Variants in ELP1 observed in about 807,000 individuals in gnomAD.
The protein encoded by ELP1 is elongator complex protein 1.
ELP1 carries 131 observed loss-of-function variants against 183.2 expected under a neutral mutation model. The ratio of observed to expected loss-of-function variants is 0.72; its 90% confidence interval spans 0.62 to 0.83. ELP1 has a LOEUF of 0.83. Among genes scored for constraint, ELP1 ranks in the 40% least tolerant of loss-of-function variants. The pLI, the probability that ELP1 is intolerant of heterozygous loss-of-function variation, is 0.00. For missense variants in ELP1, 1,550 were observed against 1,594.9 expected (o/e 0.97, Z 0.48); for synonymous variants, 555 against 569.0 (o/e 0.98, Z 0.35).
At chr9:108,933,327 T>C (rs3763643) in intron 1 of ELP1, among the ~76,000 whole-genome samples, 33,275 of 152,214 alleles carry the variant, frequency 0.22, 4,483 homozygotes, top group East Asian at 0.3. Flanking sequence ...ACAGTTGAAT[T>C]CTTTACGATC....
intron 36 of ELP1, among the ~76,000 whole-genome samples, chr9:108,870,369 A>G (rs1827403283): frequency 6.6e-6 from 1 of 152,244 alleles, no homozygotes; most frequent in Non-Finnish European, 1.5e-5. Context: ...TTTGTATGTT[A>G]TATGTATTAT....
Position 108,906,391 on chromosome 9 carries a change from G to A in ELP1, c.1555C>T (p.His519Tyr), listed in dbSNP as rs776729454. 8.1e-6 allele frequency: 13 copies of A among 1,613,972 alleles called. No individual in the cohort carries two copies. In the East Asian group the frequency reaches 1.3e-4, roughly 17 times the overall value. The change falls in exon 14 of 37, where the codon CAC (histidine) becomes TAC (tyrosine). Residue 519 changes from histidine to tyrosine, a missense_variant. By Grantham distance (83) the His-to-Tyr change is moderately conservative (BLOSUM62 2). Transcript: ENST00000374647. ...IEEDVFLAVS[H>Y]SEFSPRSVIH... ...ACAGACCGGGGGCTGAACTCACTGT[G>A]GCTTACAGCCAGGAAGACGTCTTCT...
chr9:108,916,197 G>A lies in ELP1; in HGVS notation c.958+7C>T, dbSNP rs771601576. On this transcript the variant is annotated splice_region_variant and intron_variant, in intron 10 of 36. Transcript: ENST00000374647. ...GGCAGAAGGCTGGGGTACTACAGCT[G>A]TCTTACCACAGGTTTTCGGAATGGA... The A allele has an allele frequency of 1.7e-5, 27 of 1,609,674 alleles. No individual in the cohort carries two copies. Among genetic ancestry groups the A allele is most frequent in the South Asian group, 1.3e-4 (12 of 91,004 alleles).
intron 6 of ELP1, among the ~76,000 whole-genome samples, chr9:108,920,374 C>A (rs1346897833): frequency 6.6e-6 from 1 of 151,842 alleles, no homozygotes; most frequent in East Asian, 1.9e-4. Flanking sequence ...CTCTGCCTCC[C>A]AGGTACAAGT....
chr9:108,869,024 A>T lies in ELP1; in HGVS notation c.*91T>A. Reference sequence around the variant, plus strand: ...TATCATTTTACTCTTTCCAGTTCTCAATAGCCAGCCCTCAAAGAGCAAGGG... The same window carrying T: ...TATCATTTTACTCTTTCCAGTTCTCTATAGCCAGCCCTCAAAGAGCAAGGG... On this transcript the variant is annotated 3_prime_UTR_variant, in exon 37 of 37. Coordinates refer to ENST00000374647, the MANE Select transcript of ELP1 (RefSeq NM_003640.5). 9.1e-7 allele frequency: 1 copy of T among 1,095,096 alleles called. No individual in the cohort carries two copies. Among genetic ancestry groups the T allele is most frequent in the South Asian group, 1.2e-5 (1 of 80,768 alleles). 67.8% of individuals were successfully genotyped at this position (1,095,096 alleles called of 1,614,324 possible).
Position 108,903,573 on chromosome 9 carries a change from C to T in ELP1, c.1740G>A (p.Lys580=). Residue 580 remains lysine (K), a synonymous_variant, in exon 15 of 37, where the codon AAG becomes AAA. Transcript: ENST00000374647. ...VLQLADGQIF[K]YLWESPSLAI... ...CACCTTGATACTCACCCCAAAGGTA[C>T]TTAAATATCTGGCCATCAGCCAGCT... 10 of 1,610,518 alleles carry T rather than the reference C, an allele frequency of 6.2e-6. No homozygotes were observed. Among genetic ancestry groups the T allele is most frequent in the Non-Finnish European group, 8.5e-6 (10 of 1,176,884 alleles).
At position 108,900,260 on chromosome 9, in the gene ELP1, C is replaced by A; in HGVS notation, c.2130G>T (p.Gln710His). The stretch of plus-strand genomic sequence containing the variant: ...TATCTTGTCTGAAAAACCAGCTTAC[C>A]TGTAATACAAGCTTTGTGTCCTGGG... The part of the protein sequence containing the change: ...VVPQDTKLVL[Q>H]MPRGNLEVVH... The change falls in exon 19 of 37, where the codon CAG becomes CAT. Residue 710 changes from glutamine (Q) to histidine (H), a missense_variant and splice_region_variant. Coordinates refer to ENST00000374647, the MANE Select transcript of ELP1 (RefSeq NM_003640.5). The A allele has an allele frequency of 6.2e-7, 1 of 1,607,736 alleles. No individual in the cohort carries two copies. Among genetic ancestry groups the A allele is most frequent in the Non-Finnish European group, 8.5e-7 (1 of 1,174,110 alleles).
Position 108,931,109 on chromosome 9 carries a change from C to T in ELP1, c.38G>A (p.Arg13Lys). The change falls in exon 2 of 37, where the codon AGG (arginine) becomes AAG (lysine). Residue 13 changes from arginine to lysine, a missense_variant. Coordinates refer to ENST00000374647, the MANE Select transcript of ELP1 (RefSeq NM_003640.5). ...NLKLFRTLEF[R>K]DIQGPGNPQC... ...AGGATTCCCTGGACCTTGAATATCC[C>T]TGAACTCCAGGGTCCGAAATAATTT... The T allele has an allele frequency of 1.2e-6, 2 of 1,614,134 alleles. No homozygotes were observed.
chr9:108,924,426 C>T (rs1351812102), intron 5 of ELP1, among the ~76,000 whole-genome samples: 1 of 151,586 alleles, frequency 6.6e-6, no homozygotes, highest in Non-Finnish European at 1.5e-5. Context: ...ATTTCTGAGA[C>T]CTAAGATCTT....
intron 14 of ELP1, among the ~76,000 whole-genome samples, chr9:108,905,768 C>A (rs1458034450): frequency 2.0e-5 from 3 of 151,972 alleles, no homozygotes; most frequent in Admixed American, 2.0e-4. Context: ...CTATTGCTAC[C>A]AGGCTACAAA....
In ELP1 at chr9:108,901,439, T is replaced by C; in HGVS notation, c.2000A>G (p.Asp667Gly). Residue 667 changes from aspartate to glycine, a missense_variant, in exon 18 of 37, where the codon GAT becomes GGT. Asp to Gly is a moderately conservative substitution (Grantham distance 94). Coordinates refer to ENST00000374647, the MANE Select transcript of ELP1 (RefSeq NM_003640.5). ...SHTCQCFCLR[D>G]ASFKTLQAGL... The stretch of plus-strand genomic sequence containing the variant: ...TGAAAACTTACTTTTAAATGAAGCA[T>C]CCCTCAGGCAAAAACACTGGCAGGT... The C allele has an allele frequency of 6.2e-7, 1 of 1,611,228 alleles. No homozygotes were observed. Among genetic ancestry groups the C allele is most frequent in the South Asian group, 1.1e-5 (1 of 91,026 alleles).
rs374063549 is a variant in ELP1, at chr9:108,927,460, C to T, written c.304-7G>A. On this transcript the variant is annotated splice_region_variant and splice_polypyrimidine_tract_variant and intron_variant, in intron 3 of 36. Coordinates refer to ENST00000374647, the MANE Select transcript of ELP1 (RefSeq NM_003640.5). ...CACTCCCAACACACTCCAGCTGAGA[C>T]AGAGAAAATTGAAAAGAGAGATTCA... The T allele has an allele frequency of 1.8e-5, 29 of 1,610,776 alleles. No homozygotes were observed. The African/African-American group carries it at 3.9e-4, about 21-fold the overall frequency.
At chr9:108,922,782 G>T in intron 6 of ELP1, 60 bp downstream of exon 6, 2 of 1,276,322 alleles carry the variant, frequency 1.6e-6, no homozygotes, top group Non-Finnish European at 1.1e-6. Flanking sequence ...AGAGTTCCTG[G>T]TGGGTGGCAA....
chr9:108,895,375 C>T (rs577178814), intron 25 of ELP1, among the ~76,000 whole-genome samples: 4 of 152,284 alleles, frequency 2.6e-5, no homozygotes, highest in African/African-American at 9.6e-5. Flanking sequence ...AAGAGGCCAC[C>T]TTGGCATCCT....
chr9:108,912,423 T>A lies in ELP1; in HGVS notation c.1030A>T (p.Ser344Cys). 6.2e-7 allele frequency: 1 copy of A among 1,614,104 alleles called. No homozygotes were observed. The highest frequency in any genetic ancestry group is 8.5e-7 in the Non-Finnish European group (1 of 1,180,008). Residue 344 changes from serine to cysteine, a missense_variant, in exon 11 of 37, where the codon AGC becomes TGC. By Grantham distance (112) the Ser-to-Cys change is moderately radical (BLOSUM62 -1). Coordinates refer to ENST00000374647, the MANE Select transcript of ELP1 (RefSeq NM_003640.5). ...TCCCACATCAGAGACACAATCTTGC[T>A]CTTCCCACAGGTGCTGAAGGATAAA... ...QSLSFSTCGK[S>C]KIVSLMWDPV...
At chr9:108,914,054 G>T (rs1295211736) in intron 10 of ELP1, among the ~76,000 whole-genome samples, 1 of 152,060 alleles carries the variant, frequency 6.6e-6, no homozygotes, top group Admixed American at 6.6e-5. Flanking sequence ...TGTGGCCAGG[G>T]TTAAGAACTA....
chr9:108,880,198 T>C (rs780600094), intron 31 of ELP1, 33 bp from the exon 32 acceptor site: 2 of 1,434,934 alleles, frequency 1.4e-6, no homozygotes, highest in Non-Finnish European at 2.0e-6. Flanking sequence ...AGTTTGAGCA[T>C]GAGGTTTAAG....
At chr9:108,897,712 G>A (rs1000503824) in intron 22 of ELP1, among the ~76,000 whole-genome samples, 3 of 152,228 alleles carry the variant, frequency 2.0e-5, no homozygotes, top group African/African-American at 7.2e-5. Context: ...AGGCAAAACT[G>A]ATTTATGGTA....
chr9:108,927,673 G>A lies in ELP1; in HGVS notation c.304-220C>T, dbSNP rs113624314. ...TGGATGACTGGATAAAGAAATTGTG[G>A]TACTATACACAATGGAGTACTATTC... On this transcript the variant is annotated intron_variant, in intron 3 of 36. Transcript: ENST00000374647. 0.22 allele frequency among the ~76,000 whole-genome samples: 33,308 copies of A among 152,082 alleles called. 4,487 individuals are homozygous for A. Among genetic ancestry groups the A allele is most frequent in the East Asian group, 0.3 (1,553 of 5,174 alleles).
Sources: gnomAD v4.1 joint callset for allele counts (sites outside exome capture counted in the v4.1 genomes callset) on GRCh38, gnomAD v4.1.1 for gene constraint, MANE v1.5 for transcripts, NCBI Gene and HGNC (gene_info 2026-07-23, HGNC 2026-07-21) for gene names.